Variants in RAB31 observed in about 807,000 individuals in gnomAD.
RAB31 encodes RAB31, member RAS oncogene family, also known as ras-related protein Rab-31.
In RAB31, 21 loss-of-function variants were observed where a neutral mutation model predicts 25.6. The ratio of observed to expected loss-of-function variants is 0.82; its 90% CI spans 0.58 to 1.18. The LOEUF (loss-of-function observed/expected upper bound fraction) is 1.18. Among genes scored for constraint, RAB31 ranks in the 50% most tolerant of loss-of-function variants. RAB31 has a pLI of 0.00. For synonymous variants in RAB31, 87 were observed against 84.0 expected (o/e 1.04, Z -0.20); for missense variants, 196 against 250.1 (o/e 0.78, Z 1.46).
chr18:9,734,745 T>C (rs11081497), intron 1 of RAB31: 28,043 of 158,970 alleles, frequency 0.18, 4,155 homozygotes, highest in East Asian at 0.44. Context: ...GTGTGTGGTT[T>C]TATTCTTTCC....
chr18:9,739,631 C>T (rs979224007), intron 1 of RAB31, among the ~76,000 whole-genome samples: 4 of 152,108 alleles, frequency 2.6e-5, no homozygotes, highest in Non-Finnish European at 5.9e-5. Flanking sequence ...CTTAGATACA[C>T]TGTATTGATG....
chr18:9,839,878 A>G (rs929459061), intron 5 of RAB31, among the ~76,000 whole-genome samples: 67 of 152,174 alleles, frequency 4.4e-4, no homozygotes, highest in African/African-American at 1.6e-3. Flanking sequence ...CCTGAGCCTG[A>G]TTGGTCTCTT....
At chr18:9,777,451 T>G (rs753602211) in intron 2 of RAB31, among the ~76,000 whole-genome samples, 4 of 152,228 alleles carry the variant, frequency 2.6e-5, no homozygotes, top group African/African-American at 4.8e-5. Context: ...AAGTGTTTAC[T>G]TGCAAGATGT....
chr18:9,848,697 C>T (rs1332213330), intron 6 of RAB31, among the ~76,000 whole-genome samples: 2 of 152,062 alleles, frequency 1.3e-5, no homozygotes, highest in Non-Finnish European at 2.9e-5. Context: ...GTTCCACAGT[C>T]GACTATGCCT....
chr18:9,858,061 A>C (rs2068828081), intron 6 of RAB31, among the ~76,000 whole-genome samples: 1 of 152,126 alleles, frequency 6.6e-6, no homozygotes, highest in South Asian at 2.1e-4. Context: ...TTTTAGAGCT[A>C]GTGTTTCATG....
chr18:9,749,525 A>G (rs1035817059), intron 1 of RAB31, among the ~76,000 whole-genome samples: 8 of 152,248 alleles, frequency 5.3e-5, no homozygotes, highest in South Asian at 2.1e-4. Context: ...CATAGCTTCT[A>G]TGTTTTGCTG....
At chr18:9,841,037 T>C (rs904851729) in intron 5 of RAB31, among the ~76,000 whole-genome samples, 40 of 152,200 alleles carry the variant, frequency 2.6e-4, no homozygotes, top group Middle Eastern at 3.4e-3. Flanking sequence ...CAAGCGATCT[T>C]CCCATCTCAG....
chr18:9,720,973 A>G (rs553330455), intron 1 of RAB31, among the ~76,000 whole-genome samples: 12 of 152,054 alleles, frequency 7.9e-5, no homozygotes, highest in Non-Finnish European at 1.8e-4. Flanking sequence ...TCACCTGTGC[A>G]GGTCGTTCTC....
chr18:9,807,550 G>A (rs114178835), intron 3 of RAB31, among the ~76,000 whole-genome samples: 2,799 of 152,250 alleles, frequency 0.018, 69 homozygotes, highest in South Asian at 0.063. Context: ...ATGAGCTGAC[G>A]TTCACTGCCC....
rs555012779 is a variant in RAB31 at position 9,714,938 on chromosome 18, G to A, written c.39+6494G>A. Among the ~76,000 whole-genome samples the A allele has an allele frequency of 4.6e-5, 7 of 152,286 alleles. No individual in the cohort carries two copies. The South Asian group carries it at 1.4e-3, about 32-fold the overall frequency. ...TGTCATCCCGCTTAGTAGACTTGAC[G>A]GCATGGGAGGGACAGAAAGTTCTTG... is the stretch of plus-strand genomic sequence containing the variant. On this transcript the variant is annotated intron_variant, in intron 1 of 6. Coordinates refer to ENST00000578921, the MANE Select transcript of RAB31 (RefSeq NM_006868.4).
intron 1 of RAB31, among the ~76,000 whole-genome samples, chr18:9,762,332 A>G (rs948906450): frequency 2.0e-5 from 3 of 152,232 alleles, no homozygotes; most frequent in Non-Finnish European, 4.4e-5. Context: ...CTTGTAAAAA[A>G]TTGCAGAATG....
chr18:9,727,604 C>T (rs747588696), intron 1 of RAB31, among the ~76,000 whole-genome samples: 5 of 152,230 alleles, frequency 3.3e-5, no homozygotes, highest in Non-Finnish European at 7.3e-5. Flanking sequence ...GCATGAACCA[C>T]TGTGTCCGGC....
intron 3 of RAB31, 90 bp downstream of exon 3, chr18:9,792,325 G>A: frequency 6.7e-7 from 1 of 1,493,630 alleles, no homozygotes; most frequent in South Asian, 1.3e-5. Flanking sequence ...AAGACTCTTG[G>A]TTGCAGGTGA....
chr18:9,782,022 A>G (rs969358177), intron 2 of RAB31, among the ~76,000 whole-genome samples: 1 of 152,194 alleles, frequency 6.6e-6, no homozygotes, highest in Non-Finnish European at 1.5e-5. Flanking sequence ...TTTCTCTTGA[A>G]AAATCAGTGG....
At chr18:9,758,445 T>C (rs1259235736) in intron 1 of RAB31, among the ~76,000 whole-genome samples, 1 of 151,936 alleles carries the variant, frequency 6.6e-6, no homozygotes, top group Non-Finnish European at 1.5e-5. Context: ...GCTTGTGTTC[T>C]CCTCCCCCCT....
intron 5 of RAB31, 37 bp from the exon 6 acceptor site, chr18:9,845,545 A>T (rs1431412196): frequency 1.3e-6 from 2 of 1,482,618 alleles, no homozygotes; most frequent in African/African-American, 2.9e-5. Context: ...TTACAAACAA[A>T]CATTCATTTC....
chr18:9,790,405 A>AGTT (rs573039349), intron 2 of RAB31, among the ~76,000 whole-genome samples: 1 of 149,044 alleles, frequency 6.7e-6, no homozygotes. Flanking sequence ...AAAAAAAAAA[A>AGTT]TTTTTTTTTT....
At chr18:9,838,324 A>G (rs1461462708) in intron 5 of RAB31, among the ~76,000 whole-genome samples, 1 of 152,112 alleles carries the variant, frequency 6.6e-6, no homozygotes, top group Non-Finnish European at 1.5e-5. Flanking sequence ...GCCACCTGGG[A>G]ACGACTCTGA....
rs777325066 is a variant in RAB31 at position 9,845,675 on chromosome 18, G to A, written c.474G>A (p.Glu158=). 1 of 1,555,894 alleles carries A rather than the reference G, an allele frequency of 6.4e-7. No individual in the cohort carries two copies. The highest frequency in any genetic ancestry group is 1.2e-5 in the South Asian group (1 of 83,344). ...TSAKNAINIE[E]LFQGISRQIP... is the part of the protein sequence containing the mutation. ...CAAAAAATGCTATTAATATCGAAGA[G>A]CTCTTTCAAGGAATCAGTAAGTACC... The change falls in exon 6 of 7, where the codon GAG becomes GAA. Residue 158 remains glutamate (E), a synonymous_variant. Coordinates refer to ENST00000578921, the MANE Select transcript of RAB31 (RefSeq NM_006868.4).
Sources: allele counts gnomAD v4.1 joint callset (sites outside exome capture counted in the v4.1 genomes callset), GRCh38; gene constraint gnomAD v4.1.1; transcripts MANE v1.5; gene names NCBI Gene and HGNC (gene_info 2026-07-23, HGNC 2026-07-21).